The following ADAMTS9 variants were observed in gnomAD, a reference collection of about 807,000 sequenced individuals.
The protein encoded by ADAMTS9 is A disintegrin and metalloproteinase with thrombospondin motifs 9.
Under a neutral mutation model 257.1 loss-of-function variants are expected in ADAMTS9, and 107 were observed. The observed-to-expected ratio is 0.42, with a 90% CI of 0.36 to 0.49. ADAMTS9 has a LOEUF of 0.49. Ranked by LOEUF, ADAMTS9 falls within the 20% of genes least tolerant of loss-of-function variation. The pLI, the probability that ADAMTS9 is intolerant of heterozygous loss-of-function variation, is 0.03. For synonymous variants in ADAMTS9, 982 were observed against 880.9 expected (o/e 1.11, Z -2.03); for missense variants, 2,353 against 2,469.1 (o/e 0.95, Z 1.00).
intron 30 of ADAMTS9, chr3:64,561,288 T>G: frequency 3.7e-6 from 1 of 267,936 alleles, no homozygotes; most frequent in Non-Finnish European, 7.0e-6. Flanking sequence ...CTGTGAAAGA[T>G]ATCTGAATGC....
At position 64,539,254 on chromosome 3, in the gene ADAMTS9, G is replaced by C. The variant is rs141665428; in HGVS notation, c.5562C>G (p.Pro1854=). 1.2e-6 allele frequency: 2 copies of C among 1,613,976 alleles called. No individual in the cohort carries two copies. The highest frequency in any genetic ancestry group is 1.7e-6 in the Non-Finnish European group (2 of 1,179,956). The change falls in exon 37 of 40, where the codon CCC becomes CCG. Residue 1854 remains proline, a synonymous_variant. Coordinates refer to ENST00000498707, the MANE Select transcript of ADAMTS9 (RefSeq NM_182920.2). ...AATCCCCGGCTGTGGCAAAAGGGACGGGATGTCCTTCGCTTGTCCTTGCAA... is the reference window on the plus strand; with the variant it reads ...AATCCCCGGCTGTGGCAAAAGGGACCGGATGTCCTTCGCTTGTCCTTGCAA... ...LQFARTSEGH[P]VPFATAGDCY...
intron 26 of ADAMTS9, among the ~76,000 whole-genome samples, chr3:64,598,034 T>A (rs1022324395): frequency 6.6e-6 from 1 of 152,202 alleles, no homozygotes; most frequent in African/African-American, 2.4e-5. Flanking sequence ...ACATTGCTTC[T>A]TGCTGGTCAT....
chr3:64,664,245 G>A lies in ADAMTS9; in HGVS notation c.680-5454C>T, dbSNP rs141669225. ...GCTCTTCTTTTTTTCCTCCTACGTAGTTTTACATTTATGATTAATTTTTAA... is the reference window on the plus strand; with the variant it reads ...GCTCTTCTTTTTTTCCTCCTACGTAATTTTACATTTATGATTAATTTTTAA... On this transcript the variant is annotated intron_variant, in intron 3 of 39. Transcript: ENST00000498707. Among the ~76,000 whole-genome samples, 9 of 152,140 alleles carry A rather than the reference G, an allele frequency of 5.9e-5. No individual in the cohort carries two copies. The East Asian group carries it at 1.5e-3, about 26-fold the overall frequency.
chr3:64,638,876 G>GA lies in ADAMTS9; in HGVS notation c.1856+2971dup, dbSNP rs139203782. ...GAATCAGATAAATATTGTGAAAAAA[G>GA]AAAAAAAAAATCCAGTGTCCTTAAT... On this transcript the variant is annotated intron_variant, in intron 12 of 39. Coordinates refer to ENST00000498707, the MANE Select transcript of ADAMTS9 (RefSeq NM_182920.2). 5.2e-3 allele frequency among the ~76,000 whole-genome samples: 764 copies of GA among 147,662 alleles called. 12 individuals carry two copies. Among genetic ancestry groups the GA allele is most frequent in the East Asian group, 0.045 (231 of 5,080 alleles).
At chr3:64,563,215 A>G (rs908830857) in intron 29 of ADAMTS9, 2 of 152,184 alleles carry the variant, frequency 1.3e-5, no homozygotes, top group Non-Finnish European at 2.9e-5. Flanking sequence ...CATGAATAAT[A>G]TTTCCCATTG....
intron 12 of ADAMTS9, among the ~76,000 whole-genome samples, chr3:64,640,275 A>C (rs764327426): frequency 6.6e-6 from 1 of 152,226 alleles, no homozygotes; most frequent in Non-Finnish European, 1.5e-5. Context: ...AGTACAGAGT[A>C]CTGAGACCAG....
intron 28 of ADAMTS9, chr3:64,588,902 T>A (rs2106775303): frequency 6.6e-6 from 1 of 152,304 alleles, no homozygotes; most frequent in African/African-American, 2.4e-5. Flanking sequence ...TACACAGAAC[T>A]AAGGTAAACT....
chr3:64,652,224 T>A (rs1435244808), intron 8 of ADAMTS9, among the ~76,000 whole-genome samples: 1 of 152,218 alleles, frequency 6.6e-6, no homozygotes, highest in Non-Finnish European at 1.5e-5. Flanking sequence ...TAGACTTGCA[T>A]CATATAAAAG....
At chr3:64,592,191 T>G (rs971723176) in intron 28 of ADAMTS9, among the ~76,000 whole-genome samples, 1 of 152,224 alleles carries the variant, frequency 6.6e-6, no homozygotes, top group African/African-American at 2.4e-5. Flanking sequence ...ATTAAAAGCC[T>G]TGCAGAAGTG....
At chr3:64,603,178 T>C (rs2084496713) in intron 25 of ADAMTS9, among the ~76,000 whole-genome samples, 1 of 152,208 alleles carries the variant, frequency 6.6e-6, no homozygotes, top group Non-Finnish European at 1.5e-5. Context: ...ACACTGAGAC[T>C]CATGGACTTA....
At chr3:64,624,029 A>G (rs1299966585) in intron 16 of ADAMTS9, among the ~76,000 whole-genome samples, 1 of 151,270 alleles carries the variant, frequency 6.6e-6, no homozygotes, top group African/African-American at 2.4e-5. Flanking sequence ...TCAAACCCAT[A>G]GAAGCAGAGG....
rs57247914 is a variant in ADAMTS9, at chr3:64,608,258, CAA to C, written c.3355-1181_3355-1180del. On this transcript the variant is annotated intron_variant, in intron 22 of 39. Coordinates refer to ENST00000498707, the MANE Select transcript of ADAMTS9 (RefSeq NM_182920.2). ...TACAAAATTAACAGCAAACTAAAAC[CAA>C]AAAAAAAAAAAAAAAACAAGAAAAG... Among the ~76,000 whole-genome samples, 515 of 53,264 alleles carry C rather than the reference CAA, an allele frequency of 9.7e-3. 2 individuals are homozygous for C. Among genetic ancestry groups the C allele is most frequent in the East Asian group, 0.071 (147 of 2,058 alleles). The allele number at this position is 53,264 out of a possible 152,430, so 34.9% of individuals were successfully genotyped here.
At chr3:64,555,421 T>C (rs1242553507) in intron 30 of ADAMTS9, among the ~76,000 whole-genome samples, 1 of 152,162 alleles carries the variant, frequency 6.6e-6, no homozygotes, top group African/African-American at 2.4e-5. Flanking sequence ...AGCCAAGGTC[T>C]ATGCTGGGGC....
chr3:64,608,204 C>G lies in ADAMTS9; in HGVS notation c.3355-1125G>C, dbSNP rs370803928. ...AAAAAAATGAAGAAAGATCTCAAAT[C>G]CACAACCTAACTTTACTTCCTAAGG... On this transcript the variant is annotated intron_variant, in intron 22 of 39. Coordinates refer to ENST00000498707, the MANE Select transcript of ADAMTS9 (RefSeq NM_182920.2). Among the ~76,000 whole-genome samples the G allele has an allele frequency of 4.1e-5, 6 of 145,148 alleles. No homozygotes were observed. In the East Asian group the frequency reaches 8.0e-4, roughly 19 times the overall value.
At chr3:64,574,929 A>C (rs2083796881) in intron 28 of ADAMTS9, among the ~76,000 whole-genome samples, 1 of 152,194 alleles carries the variant, frequency 6.6e-6, no homozygotes, top group African/African-American at 2.4e-5. Flanking sequence ...TAGCTACGCA[A>C]TGTTAATAGC....
chr3:64,616,977 T>G (rs1699956999), intron 19 of ADAMTS9, among the ~76,000 whole-genome samples: 2 of 152,292 alleles, frequency 1.3e-5, no homozygotes, highest in East Asian at 3.9e-4. Flanking sequence ...GGCCTCATGC[T>G]TATCTTGGAA....
At chr3:64,567,353 C>T (rs904440745) in intron 29 of ADAMTS9, among the ~76,000 whole-genome samples, 3 of 152,198 alleles carry the variant, frequency 2.0e-5, no homozygotes, top group African/African-American at 4.8e-5. Context: ...TGATTCTCCA[C>T]TGCATGGAAG....
intron 3 of ADAMTS9, among the ~76,000 whole-genome samples, chr3:64,665,529 T>C (rs1701332806): frequency 6.6e-6 from 1 of 152,202 alleles, no homozygotes; most frequent in South Asian, 2.1e-4. Context: ...CATTATCATA[T>C]TTTTCTATTT....
intron 28 of ADAMTS9, among the ~76,000 whole-genome samples, chr3:64,579,955 C>T (rs1330619491): frequency 1.3e-5 from 2 of 152,194 alleles, no homozygotes; most frequent in Non-Finnish European, 2.9e-5. Flanking sequence ...AAGCTAGGAA[C>T]TCAGAATACT....
Sources: allele counts gnomAD v4.1 joint callset (sites outside exome capture counted in the v4.1 genomes callset), GRCh38; gene constraint gnomAD v4.1.1; transcripts MANE v1.5; gene names NCBI Gene and HGNC (gene_info 2026-07-23, HGNC 2026-07-21).